CTNND2: variants seen among roughly 807,000 people sequenced by gnomAD.
CTNND2 encodes catenin delta 2.
A neutral mutation model predicts 144.4 loss-of-function variants in CTNND2; 22 were observed. The observed-to-expected ratio is 0.15, with a 90% CI of 0.11 to 0.22. CTNND2 has a LOEUF of 0.22. CTNND2 is among the 10% of genes least tolerant of loss of function. CTNND2 has a pLI of 1.00. For synonymous variants in CTNND2, 751 were observed against 695.6 expected (o/e 1.08, Z -1.25); for missense variants, 1,353 against 1,618.8 (o/e 0.84, Z 2.82).
chr5:10,991,837 C>A (rs941993224), intron 19 of CTNND2, among the ~76,000 whole-genome samples: 3 of 152,244 alleles, frequency 2.0e-5, no homozygotes, highest in African/African-American at 7.2e-5. Context: ...GTATATCACA[C>A]TGAAGGAAGA....
chr5:11,612,777 G>C (rs142345274), intron 2 of CTNND2, among the ~76,000 whole-genome samples: 17 of 152,012 alleles, frequency 1.1e-4, no homozygotes, highest in African/African-American at 3.9e-4. Flanking sequence ...GTGCATGCTC[G>C]TAGTCCCATC....
intron 3 of CTNND2, among the ~76,000 whole-genome samples, chr5:11,561,768 A>G (rs1269023681): frequency 6.6e-6 from 1 of 152,206 alleles, no homozygotes; most frequent in Admixed American, 6.5e-5. Flanking sequence ...TTGGCTGGGT[A>G]CAGTGGCTCA....
At chr5:11,252,374 G>C (rs903064131) in intron 9 of CTNND2, among the ~76,000 whole-genome samples, 6 of 152,262 alleles carry the variant, frequency 3.9e-5, no homozygotes, top group African/African-American at 1.4e-4. Flanking sequence ...ACTGGGGTGG[G>C]GGGGAGATTA....
intron 2 of CTNND2, among the ~76,000 whole-genome samples, chr5:11,700,722 A>G (rs984554205): frequency 3.3e-5 from 5 of 152,210 alleles, no homozygotes; most frequent in African/African-American, 1.2e-4. Context: ...GAACACTCTC[A>G]GATCTCAAGA....
chr5:11,448,491 T>A (rs1765026622), intron 3 of CTNND2, among the ~76,000 whole-genome samples: 1 of 152,132 alleles, frequency 6.6e-6, no homozygotes, highest in South Asian at 2.1e-4. Context: ...TTTATTAATG[T>A]TTTATTGTCT....
At chr5:11,698,584 G>A (rs952009029) in intron 2 of CTNND2, among the ~76,000 whole-genome samples, 21 of 152,150 alleles carry the variant, frequency 1.4e-4, no homozygotes, top group African/African-American at 5.1e-4. Flanking sequence ...ACTGTGTCCC[G>A]CCCAAAGAAC....
rs1553986082 is a variant in CTNND2 at position 11,865,915 on chromosome 5, A to AAAAAAAAAC, written c.37+37901_37+37902insGTTTTTTTT. 6.7e-5 allele frequency among the ~76,000 whole-genome samples: 10 copies of AAAAAAAAAC among 149,348 alleles called. 2 individuals are homozygous for AAAAAAAAAC. The highest frequency in any genetic ancestry group is 2.0e-4 in the East Asian group (1 of 4,974). ...AGCTGGAAGAGACAAAAAAAAAAAA[A>AAAAAAAAAC]CGAGTTCTCCTCTAGAGCCTCCAGA... On this transcript the variant is annotated intron_variant, in intron 1 of 21. Coordinates refer to ENST00000304623, the MANE Select transcript of CTNND2 (RefSeq NM_001332.4).
At chr5:11,588,407 T>C (rs902245218) in intron 2 of CTNND2, among the ~76,000 whole-genome samples, 1 of 152,200 alleles carries the variant, frequency 6.6e-6, no homozygotes, top group Non-Finnish European at 1.5e-5. Flanking sequence ...ATCATAACTT[T>C]CATAAAATCT....
At chr5:11,709,491 G>C (rs1253838425) in intron 2 of CTNND2, among the ~76,000 whole-genome samples, 2 of 152,146 alleles carry the variant, frequency 1.3e-5, no homozygotes, top group African/African-American at 2.4e-5. Flanking sequence ...TAAAGCACTT[G>C]TCAAAATGTC....
intron 3 of CTNND2, among the ~76,000 whole-genome samples, chr5:11,446,394 G>A (rs78294751): frequency 0.017 from 2,579 of 152,286 alleles, 83 homozygotes; most frequent in African/African-American, 0.059. Flanking sequence ...CTCCAGTAGC[G>A]TGAAGAGTGG....
chr5:11,670,338 T>G (rs1783816760), intron 2 of CTNND2, among the ~76,000 whole-genome samples: 1 of 152,306 alleles, frequency 6.6e-6, no homozygotes, highest in South Asian at 2.1e-4. Context: ...TGTCCAATAC[T>G]GACAGTCGGC....
intron 3 of CTNND2, among the ~76,000 whole-genome samples, chr5:11,440,674 T>C (rs1375925346): frequency 1.3e-5 from 2 of 152,198 alleles, no homozygotes. Context: ...ATAAAATATA[T>C]GTATCAGTGT....
chr5:11,769,505 A>G (rs1047674530), intron 1 of CTNND2, among the ~76,000 whole-genome samples: 2 of 152,218 alleles, frequency 1.3e-5, no homozygotes, highest in African/African-American at 2.4e-5. Flanking sequence ...GCATATAAAG[A>G]TAACTGTAAA....
chr5:11,603,538 C>CA (rs1051921951), intron 2 of CTNND2, among the ~76,000 whole-genome samples: 1 of 152,022 alleles, frequency 6.6e-6, no homozygotes, highest in African/African-American at 2.4e-5. Context: ...CTAGAGGCCT[C>CA]AAAGGAATTC....
intron 9 of CTNND2, among the ~76,000 whole-genome samples, chr5:11,240,850 AAC>A (rs1420079742): frequency 1.4e-5 from 2 of 139,586 alleles, no homozygotes; most frequent in Non-Finnish European, 1.6e-5. Context: ...ACACACACCC[AAC>A]ACATACACTC....
At chr5:11,510,621 A>T (rs1771543212) in intron 3 of CTNND2, among the ~76,000 whole-genome samples, 1 of 152,236 alleles carries the variant, frequency 6.6e-6, no homozygotes, top group Admixed American at 6.5e-5. Context: ...ACAGAAAAGC[A>T]AACACACTCA....
chr5:10,991,741 C>T (rs1377757082), intron 19 of CTNND2, among the ~76,000 whole-genome samples: 1 of 152,148 alleles, frequency 6.6e-6, no homozygotes, highest in Non-Finnish European at 1.5e-5. Flanking sequence ...AATAATTTAT[C>T]AGTGGCATCT....
At chr5:11,481,576 T>C (rs544155999) in intron 3 of CTNND2, among the ~76,000 whole-genome samples, 3 of 151,366 alleles carry the variant, frequency 2.0e-5, no homozygotes, top group Non-Finnish European at 2.9e-5. Flanking sequence ...GCACTGCAGC[T>C]TGGGAAACAG....
At chr5:11,596,979 T>C (rs1459342546) in intron 2 of CTNND2, among the ~76,000 whole-genome samples, 1 of 152,176 alleles carries the variant, frequency 6.6e-6, no homozygotes. Flanking sequence ...CATTTGTTCT[T>C]TGTACTATGG....
Sources: gnomAD v4.1 joint callset for allele counts (sites outside exome capture counted in the v4.1 genomes callset) on GRCh38, gnomAD v4.1.1 for gene constraint, MANE v1.5 for transcripts, NCBI Gene and HGNC (gene_info 2026-07-23, HGNC 2026-07-21) for gene names.